Variants in FAM133A observed in about 807,000 individuals in gnomAD.
FAM133A encodes the protein family with sequence similarity 133 member A.
For missense variants in FAM133A, 159 were observed against 164.4 expected (o/e 0.97, Z 0.18); for synonymous variants, 65 against 58.6 (o/e 1.11, Z -0.50).
chrX:93,688,924 C>CTA (rs1479588127), intron 2 of FAM133A, among the ~76,000 whole-genome samples: 1 of 109,817 alleles, frequency 9.1e-6, no homozygotes, highest in South Asian at 3.8e-4. Context: ...CATGACTTAA[C>CTA]TATATATATA....
chrX:93,703,043 G>A (rs1221446617), intron 3 of FAM133A, among the ~76,000 whole-genome samples: 2 of 109,575 alleles, frequency 1.8e-5, no homozygotes, highest in African/African-American at 6.6e-5. Flanking sequence ...ACAAAAATTA[G>A]CCAGATGTGG....
chrX:93,693,300 A>G (rs1157236360), intron 2 of FAM133A, among the ~76,000 whole-genome samples: 1 of 111,240 alleles, frequency 9.0e-6, no homozygotes, highest in Non-Finnish European at 1.9e-5. Context: ...AACCCAGTGT[A>G]CAATATTTGT....
intron 3 of FAM133A, among the ~76,000 whole-genome samples, chrX:93,704,419 GT>G (rs906530180): frequency 2.7e-5 from 3 of 110,160 alleles, no homozygotes; most frequent in African/African-American, 9.9e-5. Flanking sequence ...GAACATTAAG[GT>G]TTTTTTTTAA....
intron 2 of FAM133A, among the ~76,000 whole-genome samples, chrX:93,692,424 T>C (rs1309475104): frequency 8.9e-6 from 1 of 111,968 alleles, no homozygotes; most frequent in African/African-American, 3.2e-5. Flanking sequence ...ATAGTATGTA[T>C]TGAGATGCCA....
chrX:93,704,500 AT>A (rs1264885225), intron 3 of FAM133A, among the ~76,000 whole-genome samples: 3 of 111,660 alleles, frequency 2.7e-5, no homozygotes, highest in Non-Finnish European at 5.7e-5. Context: ...GCTTAGAGGA[AT>A]TTCCAGCTAC....
chrX:93,679,915 ATTTTTTTTT>A (rs376335726), intron 2 of FAM133A, among the ~76,000 whole-genome samples: 1 of 62,428 alleles, frequency 1.6e-5, no homozygotes, highest in Non-Finnish European at 2.7e-5. Context: ...CTCCTGGCAA[ATTTTTTTTT>A]TTTTTTTTTT....
chrX:93,691,057 A>G (rs764023790), intron 2 of FAM133A, among the ~76,000 whole-genome samples: 17 of 112,137 alleles, frequency 1.5e-4, no homozygotes, highest in African/African-American at 5.2e-4. Context: ...AGAGTTTTTC[A>G]AATATTCTGG....
chrX:93,707,954 G>A (rs944543406), intron 3 of FAM133A, among the ~76,000 whole-genome samples: 30 of 111,465 alleles, frequency 2.7e-4, no homozygotes, highest in African/African-American at 9.1e-4. Context: ...CATGTATAAC[G>A]CAATAATCAC....
chrX:93,686,530 A>G (rs1440574772), intron 2 of FAM133A, among the ~76,000 whole-genome samples: 1 of 112,251 alleles, frequency 8.9e-6, no homozygotes, highest in African/African-American at 3.2e-5. Flanking sequence ...CACAGAATCA[A>G]TGGGAGGCTA....
At chrX:93,705,607 A>G (rs906724681) in intron 3 of FAM133A, among the ~76,000 whole-genome samples, 1 of 111,290 alleles carries the variant, frequency 9.0e-6, no homozygotes, top group African/African-American at 3.3e-5. Context: ...CACTGAATGA[A>G]AATGAAGGCT....
intron 3 of FAM133A, among the ~76,000 whole-genome samples, chrX:93,705,892 A>C (rs1015786981): frequency 3.6e-5 from 4 of 111,520 alleles, no homozygotes; most frequent in African/African-American, 1.3e-4. Flanking sequence ...GTAAAAAAAA[A>C]CACAAAAGAA....
Position 93,709,762 on chromosome X carries a change from A to G in FAM133A, c.343A>G (p.Ser115Gly). ...SSSSSSSDSS[S>G]SSSDSEDEEK... ...TTCTTCATCAAGCTCTGATTCTTCA[A>G]GCAGTTCTTCAGATTCTGAGGATGA... The change falls in exon 4 of 4, where the codon AGC becomes GGC. Residue 115 changes from serine to glycine, a missense_variant. Ser to Gly is a moderately conservative substitution (Grantham distance 56). Transcript: ENST00000683942. The G allele has an allele frequency of 8.4e-7, 1 of 1,196,405 alleles. No homozygotes were observed. Among genetic ancestry groups the G allele is most frequent in the South Asian group, 1.8e-5 (1 of 54,738 alleles).
intron 2 of FAM133A, among the ~76,000 whole-genome samples, chrX:93,685,183 C>G (rs1035275050): frequency 2.7e-5 from 3 of 111,221 alleles, no homozygotes; most frequent in African/African-American, 9.8e-5. Flanking sequence ...CTTATTGACT[C>G]GTACAGCTGT....
At chrX:93,707,997 CAAATA>C (rs1019730005) in intron 3 of FAM133A, among the ~76,000 whole-genome samples, 12 of 111,515 alleles carry the variant, frequency 1.1e-4, no homozygotes, top group African/African-American at 3.3e-4. Context: ...ATAAATGCTA[CAAATA>C]AAATAAACGA....
chrX:93,679,915 A>ATTTTTTTTTTTT (rs376335726), intron 2 of FAM133A, among the ~76,000 whole-genome samples: 8 of 62,422 alleles, frequency 1.3e-4, no homozygotes, highest in African/African-American at 4.2e-4. Context: ...CTCCTGGCAA[A>ATTTTTTTTTTTT]TTTTTTTTTT....
intron 2 of FAM133A, among the ~76,000 whole-genome samples, chrX:93,687,334 G>A (rs1335801948): frequency 2.7e-5 from 3 of 110,781 alleles, no homozygotes; most frequent in Non-Finnish European, 5.7e-5. Flanking sequence ...TTGAGGACTC[G>A]GATGGAGGGG....
intron 3 of FAM133A, among the ~76,000 whole-genome samples, chrX:93,704,922 T>C (rs892682940): frequency 1.8e-5 from 2 of 111,316 alleles, no homozygotes; most frequent in African/African-American, 3.3e-5. Context: ...CCATCCTGTT[T>C]AACTGCTTTT....
At chrX:93,684,384 C>G (rs1925373853) in intron 2 of FAM133A, among the ~76,000 whole-genome samples, 1 of 111,357 alleles carries the variant, frequency 9.0e-6, no homozygotes, top group African/African-American at 3.3e-5. Context: ...TGCCAGAAGT[C>G]AATTTTTTTA....
intron 3 of FAM133A, among the ~76,000 whole-genome samples, chrX:93,700,667 C>T (rs768362718): frequency 9.0e-6 from 1 of 111,135 alleles, no homozygotes; most frequent in African/African-American, 3.3e-5. Flanking sequence ...AATTTAGTTA[C>T]GTTAACAAAT....
Sources: gnomAD v4.1 joint callset for allele counts (sites outside exome capture counted in the v4.1 genomes callset) on GRCh38, gnomAD v4.1.1 for gene constraint, MANE v1.5 for transcripts, NCBI Gene and HGNC (gene_info 2026-07-23, HGNC 2026-07-21) for gene names.